ELP1: variants seen among roughly 807,000 people sequenced by gnomAD.
ELP1 encodes elongator acetyltransferase complex subunit 1.
Under a neutral mutation model 183.2 loss-of-function variants are expected in ELP1, and 131 were observed. The observed-to-expected ratio is 0.72, with a 90% CI of 0.62 to 0.83. The LOEUF is 0.83. Among genes scored for constraint, ELP1 ranks in the 40% least tolerant of loss-of-function variants. The pLI, the probability that ELP1 is intolerant of heterozygous loss-of-function variation, is 0.00. For missense variants in ELP1, 1,550 were observed against 1,594.9 expected, an observed-to-expected ratio of 0.97 and a Z score of 0.48; for synonymous variants, 555 against 569.0, an observed-to-expected ratio of 0.98 and a Z score of 0.35.
chr9:108,908,464 G>T, intron 12 of ELP1, 60 bp from the exon 13 acceptor site: 1 of 1,261,460 alleles, frequency 7.9e-7, no homozygotes, highest in Non-Finnish European at 1.2e-6. Flanking sequence ...CTAATACTAA[G>T]GGGATGGTGT....
chr9:108,873,506 CAG>C (rs1228309605), intron 36 of ELP1, among the ~76,000 whole-genome samples: 1 of 152,270 alleles, frequency 6.6e-6, no homozygotes, highest in Non-Finnish European at 1.5e-5. Context: ...TCAAATATTA[CAG>C]AGTGTCTTTA....
intron 13 of ELP1, 93 bp from the exon 14 acceptor site, chr9:108,906,578 T>C (rs1443637637): frequency 2.1e-6 from 2 of 964,976 alleles, no homozygotes; most frequent in Non-Finnish European, 3.3e-6. Flanking sequence ...GCATCTTGTA[T>C]ACAGTCCACT....
chr9:108,920,402 T>C (rs966836691), intron 6 of ELP1, among the ~76,000 whole-genome samples: 8 of 151,902 alleles, frequency 5.3e-5, no homozygotes, highest in Admixed American at 1.3e-4. Context: ...CTACCTTAGC[T>C]TCTCAAGTAG....
At chr9:108,929,146 T>G (rs1220200385) in intron 3 of ELP1, among the ~76,000 whole-genome samples, 1 of 152,254 alleles carries the variant, frequency 6.6e-6, no homozygotes, top group Non-Finnish European at 1.5e-5. Flanking sequence ...TAATCAATGT[T>G]AAGGAGATCA....
intron 5 of ELP1, among the ~76,000 whole-genome samples, chr9:108,923,396 T>A (rs1287246420): frequency 2.0e-5 from 3 of 152,108 alleles, no homozygotes; most frequent in African/African-American, 4.8e-5. Flanking sequence ...ACAAAACCCA[T>A]TTCATATTAT....
At chr9:108,897,702 A>AT (rs1350346463) in intron 22 of ELP1, among the ~76,000 whole-genome samples, 1 of 152,258 alleles carries the variant, frequency 6.6e-6, no homozygotes, top group African/African-American at 2.4e-5. Context: ...GTTCTTGAAC[A>AT]GGCAAAACTG....
At chr9:108,913,930 TA>T (rs1406950995) in intron 10 of ELP1, among the ~76,000 whole-genome samples, 17 of 152,234 alleles carry the variant, frequency 1.1e-4, no homozygotes, top group Non-Finnish European at 2.1e-4. Flanking sequence ...TGCGGCTGTT[TA>T]AAATCACTTG....
intron 10 of ELP1, among the ~76,000 whole-genome samples, chr9:108,915,392 T>C (rs1829393147): frequency 6.6e-6 from 1 of 152,220 alleles, no homozygotes; most frequent in Non-Finnish European, 1.5e-5. Context: ...CCCCATAATG[T>C]GGGAAGGTCC....
intron 29 of ELP1, among the ~76,000 whole-genome samples, chr9:108,884,390 G>A (rs1417848993): frequency 6.6e-6 from 1 of 152,126 alleles, no homozygotes; most frequent in Non-Finnish European, 1.5e-5. Context: ...AGAACAGCAT[G>A]ATCAACCTAA....
chr9:108,918,656 A>G (rs1386487420), intron 8 of ELP1, among the ~76,000 whole-genome samples, 155 bp downstream of exon 8: 2 of 152,104 alleles, frequency 1.3e-5, no homozygotes, highest in African/African-American at 4.8e-5. Context: ...GAAAAAAAAA[A>G]AAGAAGAAAC....
At chr9:108,914,905 T>C (rs908040330) in intron 10 of ELP1, among the ~76,000 whole-genome samples, 2 of 152,130 alleles carry the variant, frequency 1.3e-5, no homozygotes, top group Non-Finnish European at 1.5e-5. Flanking sequence ...GCCCCCAAAG[T>C]GCATGAGCCA....
intron 24 of ELP1, 137 bp from the exon 25 acceptor site, chr9:108,896,781 T>C (rs1828566262): frequency 1.9e-6 from 2 of 1,038,654 alleles, no homozygotes; most frequent in Middle Eastern, 2.0e-4. Flanking sequence ...CTGATACTTT[T>C]ATATATGCTT....
At chr9:108,898,603 A>T (rs780957392) in intron 21 of ELP1, 22 bp from the exon 22 acceptor site, 1 of 1,603,268 alleles carries the variant, frequency 6.2e-7, no homozygotes, top group South Asian at 1.1e-5. Flanking sequence ...AGGACAAAAC[A>T]TCTTCGTTCA....
chr9:108,876,249 G>A (rs941338079), intron 35 of ELP1, among the ~76,000 whole-genome samples: 34 of 152,166 alleles, frequency 2.2e-4, no homozygotes, highest in African/African-American at 8.2e-4. Context: ...TCCAGCCTGA[G>A]CAACAGAGTG....
At chr9:108,897,411 A>G in intron 22 of ELP1, 126 bp from the exon 23 acceptor site, 1 of 975,988 alleles carries the variant, frequency 1.0e-6, no homozygotes, top group Non-Finnish European at 1.6e-6. Context: ...GTTGAATTAT[A>G]AAAATATTGA....
rs568719252 is a variant in ELP1 at position 108,879,872 on chromosome 9, GC to G, written c.3460+179del. Among the ~76,000 whole-genome samples the G allele has an allele frequency of 3.7e-3, 561 of 152,316 alleles. 2 individuals carry two copies. The highest frequency in any genetic ancestry group is 5.9e-3 in the Non-Finnish European group (403 of 68,030). On this transcript the variant is annotated intron_variant, in intron 32 of 36. Coordinates refer to ENST00000374647, the MANE Select transcript of ELP1 (RefSeq NM_003640.5). Reference sequence around the variant, plus strand: ...GCTCTCCCCATTCATGCTTGGTCCTGCCCTTCACCAACACACAAACACAGAC... The same window carrying G: ...GCTCTCCCCATTCATGCTTGGTCCTGCCTTCACCAACACACAAACACAGAC...
chr9:108,869,603 A>C (rs1827361537), intron 36 of ELP1, among the ~76,000 whole-genome samples: 1 of 152,172 alleles, frequency 6.6e-6, no homozygotes, highest in Admixed American at 6.5e-5. Context: ...TCAGTAAGTG[A>C]AGTTAATGGA....
intron 4 of ELP1, 27 bp downstream of exon 4, chr9:108,927,345 C>G: frequency 1.3e-6 from 2 of 1,571,706 alleles, no homozygotes; most frequent in Non-Finnish European, 1.8e-6. Context: ...TTTAAAAAAG[C>G]CAGTGAGGCA....
chr9:108,906,058 A>C (rs1829006796), intron 14 of ELP1, among the ~76,000 whole-genome samples: 1 of 152,192 alleles, frequency 6.6e-6, no homozygotes, highest in Admixed American at 6.5e-5. Flanking sequence ...AATATTTAAC[A>C]TATCTTTAAA....
Sources: allele counts gnomAD v4.1 joint callset (sites outside exome capture counted in the v4.1 genomes callset), GRCh38; gene constraint gnomAD v4.1.1; transcripts MANE v1.5; gene names NCBI Gene and HGNC (gene_info 2026-07-23, HGNC 2026-07-21).